Variants in FRMD4A observed in about 807,000 individuals in gnomAD.
The protein encoded by FRMD4A is FERM domain containing 4A.
In FRMD4A, 29 loss-of-function variants were observed where a neutral mutation model predicts 129.1. That is an observed-to-expected ratio of 0.22 (90% CI 0.17 to 0.31). The LOEUF (loss-of-function observed/expected upper bound fraction) is 0.31. Ranked by LOEUF, FRMD4A falls within the 10% of genes least tolerant of loss-of-function variation. The pLI, the probability that FRMD4A is intolerant of heterozygous loss-of-function variation, is 1.00. For missense variants in FRMD4A, 1,272 were observed against 1,375.8 expected (o/e 0.92, Z 1.19); for synonymous variants, 634 against 571.6 (o/e 1.11, Z -1.56).
chr10:14,093,882 T>C (rs1836793690), intron 2 of FRMD4A, among the ~76,000 whole-genome samples: 1 of 152,230 alleles, frequency 6.6e-6, no homozygotes, highest in Non-Finnish European at 1.5e-5. Context: ...GCAGCCCTCT[T>C]TCCCTCACTG....
intron 2 of FRMD4A, among the ~76,000 whole-genome samples, chr10:14,177,837 C>T (rs969071970): frequency 6.6e-6 from 1 of 152,138 alleles, no homozygotes; most frequent in Non-Finnish European, 1.5e-5. Flanking sequence ...AGCCATTTAG[C>T]CCCTGGAGCC....
chr10:14,127,319 G>A (rs937154940), intron 2 of FRMD4A, among the ~76,000 whole-genome samples: 12 of 152,138 alleles, frequency 7.9e-5, no homozygotes, highest in African/African-American at 1.7e-4. Context: ...GCTCTCACCT[G>A]ACCTCTGCTC....
In FRMD4A at chr10:13,854,511, C is replaced by G. The variant is rs185187138; in HGVS notation, c.111+4336G>C. ...TCTTGGCTCACTGCAACCTCCGCCT[C>G]CCAGGTTCAAGTGATTCTCCTGTCT... On this transcript the variant is annotated intron_variant, in intron 3 of 24. Coordinates refer to ENST00000357447, the MANE Select transcript of FRMD4A (RefSeq NM_018027.5). Among the ~76,000 whole-genome samples the G allele has an allele frequency of 9.9e-4, 151 of 152,154 alleles. 1 individual carries two copies. The highest frequency in any genetic ancestry group is 3.5e-3 in the African/African-American group (146 of 41,512).
At chr10:14,143,356 T>C (rs531458459) in intron 2 of FRMD4A, among the ~76,000 whole-genome samples, 8 of 152,366 alleles carry the variant, frequency 5.3e-5, no homozygotes, top group African/African-American at 1.9e-4. Flanking sequence ...GGGGACATCA[T>C]GCTAAGTGAA....
intron 2 of FRMD4A, among the ~76,000 whole-genome samples, chr10:13,900,013 T>A (rs145111721): frequency 4.2e-4 from 64 of 152,252 alleles, no homozygotes; most frequent in African/African-American, 1.5e-3. Flanking sequence ...GTCAAGCAGG[T>A]GTTAAAAATG....
At chr10:14,008,522 C>G (rs186780235) in intron 2 of FRMD4A, 494 of 989,882 alleles carry the variant, frequency 5.0e-4, no homozygotes, top group Non-Finnish European at 5.6e-4. Flanking sequence ...CTTTGCTTCT[C>G]GTGGCTGCAG....
At chr10:13,832,057 C>T (rs1475850381) in intron 3 of FRMD4A, among the ~76,000 whole-genome samples, 1 of 152,128 alleles carries the variant, frequency 6.6e-6, no homozygotes, top group Non-Finnish European at 1.5e-5. Context: ...CTGGCCTGGA[C>T]TTCCATTCTA....
At chr10:14,022,514 A>G (rs528194912) in intron 2 of FRMD4A, among the ~76,000 whole-genome samples, 1 of 152,218 alleles carries the variant, frequency 6.6e-6, no homozygotes, top group African/African-American at 2.4e-5. Context: ...TAAACATTGC[A>G]TAATGTTAAA....
At chr10:14,180,478 A>G (rs1026692099) in intron 2 of FRMD4A, among the ~76,000 whole-genome samples, 2 of 152,208 alleles carry the variant, frequency 1.3e-5, no homozygotes, top group Non-Finnish European at 1.5e-5. Context: ...GCTGATTCCA[A>G]CGGGAGGATA....
chr10:13,920,510 C>T (rs2095059181), intron 2 of FRMD4A, among the ~76,000 whole-genome samples: 1 of 152,208 alleles, frequency 6.6e-6, no homozygotes, highest in African/African-American at 2.4e-5. Context: ...TAAGAACCTA[C>T]ATTACAATAC....
intron 2 of FRMD4A, among the ~76,000 whole-genome samples, chr10:14,027,874 T>G (rs1457429724): frequency 1.3e-5 from 2 of 152,170 alleles, no homozygotes; most frequent in Non-Finnish European, 2.9e-5. Context: ...AGGAAATTAG[T>G]GTATGCGGAT....
intron 2 of FRMD4A, among the ~76,000 whole-genome samples, chr10:14,181,604 A>G (rs1280413775): frequency 2.0e-5 from 3 of 152,218 alleles, no homozygotes; most frequent in East Asian, 1.9e-4. Context: ...GTAGGGAAAC[A>G]TTTTAATTTT....
chr10:13,800,279 A>T (rs2093224728), intron 4 of FRMD4A, among the ~76,000 whole-genome samples: 1 of 152,264 alleles, frequency 6.6e-6, no homozygotes, highest in South Asian at 2.1e-4. Flanking sequence ...CACAGTGTAT[A>T]GCAACTGTTA....
At chr10:14,033,846 AAAAAG>A (rs901755674) in intron 2 of FRMD4A, among the ~76,000 whole-genome samples, 10 of 152,084 alleles carry the variant, frequency 6.6e-5, no homozygotes, top group South Asian at 2.1e-4. Context: ...AAAGAAAAGA[AAAAAG>A]AAAAGAAAAG....
rs543063718 is a variant in FRMD4A at position 13,660,348 on chromosome 10, C to G, written c.1866G>C (p.Lys622Asn). The change falls in exon 20 of 25, where the codon AAG (lysine) becomes AAC (asparagine). Residue 622 changes from lysine (K) to asparagine (N), a missense_variant. By Grantham distance (94) the Lys-to-Asn change is moderately conservative. Transcript: ENST00000357447. ...GGCTGTGAGAGGAGCGCTTCTTGACCTTCTCATAGGGTTCATCTAAAGAGG... is the reference window on the plus strand; with the variant it reads ...GGCTGTGAGAGGAGCGCTTCTTGACGTTCTCATAGGGTTCATCTAAAGAGG... ...SESSLDEPYE[K>N]VKKRSSHSHS... 24 of 1,613,916 alleles carry G rather than the reference C, an allele frequency of 1.5e-5. No individual in the cohort carries two copies. The South Asian group carries it at 2.5e-4, about 17-fold the overall frequency.
chr10:14,154,802 T>C (rs1162842898), intron 2 of FRMD4A, among the ~76,000 whole-genome samples: 1 of 152,218 alleles, frequency 6.6e-6, no homozygotes, highest in Non-Finnish European at 1.5e-5. Context: ...CCCAACCTTC[T>C]GCAAACCTTG....
At chr10:14,095,635 T>C (rs1276778422) in intron 2 of FRMD4A, among the ~76,000 whole-genome samples, 1 of 152,232 alleles carries the variant, frequency 6.6e-6, no homozygotes, top group Non-Finnish European at 1.5e-5. Flanking sequence ...CTGCATCCAT[T>C]TCTCCAAAAT....
intron 2 of FRMD4A, among the ~76,000 whole-genome samples, chr10:14,319,349 C>CCTGTCTCTCTCTCTCTCTCTCTCTCTCT (rs1846879635): frequency 7.3e-6 from 1 of 137,302 alleles, no homozygotes; most frequent in Non-Finnish European, 1.5e-5. Context: ...ATCTCTCTCT[C>CCTGTCTCTCTCTCTCTCTCTCTCTCTCT]CTCTCTCTCT....
intron 12 of FRMD4A, among the ~76,000 whole-genome samples, chr10:13,734,949 C>T (rs2090549892): frequency 6.6e-6 from 1 of 152,024 alleles, no homozygotes; most frequent in Non-Finnish European, 1.5e-5. Flanking sequence ...TCTCAGCTTA[C>T]TGCAACCTCT....
Sources: gnomAD v4.1 joint callset for allele counts (sites outside exome capture counted in the v4.1 genomes callset) on GRCh38, gnomAD v4.1.1 for gene constraint, MANE v1.5 for transcripts, NCBI Gene and HGNC (gene_info 2026-07-23, HGNC 2026-07-21) for gene names.